The following ATP8A2 variants were observed in gnomAD, a reference collection of about 807,000 sequenced individuals.
The protein encoded by ATP8A2 is phospholipid-transporting ATPase IB.
A neutral mutation model predicts 165.6 loss-of-function variants in ATP8A2; 100 were observed. The observed-to-expected ratio is 0.60, with a 90% confidence interval of 0.51 to 0.71. The LOEUF (loss-of-function observed/expected upper bound fraction) is 0.71. Ranked by LOEUF, ATP8A2 falls within the 30% of genes least tolerant of loss-of-function variation. The pLI, the probability that ATP8A2 is intolerant of heterozygous loss-of-function variation, is 0.00. For missense variants in ATP8A2, 1,227 were observed against 1,479.5 expected (o/e 0.83, Z 2.80); for synonymous variants, 543 against 548.8 (o/e 0.99, Z 0.15).
At chr13:25,842,591 G>A (rs1444748772) in intron 30 of ATP8A2, among the ~76,000 whole-genome samples, 1 of 151,994 alleles carries the variant, frequency 6.6e-6, no homozygotes, top group Middle Eastern at 3.2e-3. Flanking sequence ...AGAATCGCTT[G>A]AACCCGGGAG....
intron 35 of ATP8A2, among the ~76,000 whole-genome samples, chr13:25,970,890 G>T (rs1206692180): frequency 6.6e-6 from 1 of 152,282 alleles, no homozygotes; most frequent in South Asian, 2.1e-4. Context: ...ATTTTTAAAT[G>T]TTCAAATGGA....
chr13:25,460,878 C>G (rs905635400), intron 1 of ATP8A2, among the ~76,000 whole-genome samples: 1 of 152,146 alleles, frequency 6.6e-6, no homozygotes, highest in Admixed American at 6.5e-5. Flanking sequence ...TCTTTGGCCC[C>G]CATTGAGACT....
chr13:25,408,026 C>G (rs1323078707), intron 1 of ATP8A2, among the ~76,000 whole-genome samples: 1 of 151,986 alleles, frequency 6.6e-6, no homozygotes, highest in Non-Finnish European at 1.5e-5. Flanking sequence ...ACATGTATAC[C>G]TATGTAACAA....
chr13:25,588,185 AATT>A (rs1439173890), intron 23 of ATP8A2, among the ~76,000 whole-genome samples: 2 of 152,148 alleles, frequency 1.3e-5, no homozygotes, highest in East Asian at 3.8e-4. Flanking sequence ...TGCGCTTTAA[AATT>A]TGATCTTGGA....
At chr13:25,423,761 A>G (rs963572196) in intron 1 of ATP8A2, among the ~76,000 whole-genome samples, 2 of 152,220 alleles carry the variant, frequency 1.3e-5, no homozygotes, top group Non-Finnish European at 2.9e-5. Context: ...GATGTTTGGC[A>G]TAGATCTTTC....
At chr13:25,574,950 T>TC in intron 19 of ATP8A2, 93 bp downstream of exon 19, 1 of 656,298 alleles carries the variant, frequency 1.5e-6, no homozygotes, top group Non-Finnish European at 2.6e-6. Flanking sequence ...TATGATTCAA[T>TC]ATATTACTTA....
At chr13:25,653,204 T>C (rs941487441) in intron 24 of ATP8A2, among the ~76,000 whole-genome samples, 4 of 152,204 alleles carry the variant, frequency 2.6e-5, no homozygotes, top group South Asian at 4.1e-4. Context: ...GCACCGTTTA[T>C]TGAATAGGGA....
rs147441787 is a variant in ATP8A2, at chr13:25,426,100, T to C, written c.77-42877T>C. Among the ~76,000 whole-genome samples, 885 of 152,034 alleles carry C rather than the reference T, an allele frequency of 5.8e-3. 4 individuals are homozygous for C. The highest frequency in any genetic ancestry group is 0.013 in the African/African-American group (543 of 41,470). On this transcript the variant is annotated intron_variant, in intron 1 of 36. Transcript: ENST00000381655. The stretch of plus-strand genomic sequence containing the variant: ...GTTGGGGGAGGGAGAGATGAATGAG[T>C]GGAGCATTGTGTTAGGCCATTCTGG...
chr13:25,709,536 CAG>C (rs1295433496), intron 25 of ATP8A2, among the ~76,000 whole-genome samples: 2 of 151,920 alleles, frequency 1.3e-5, no homozygotes, highest in Non-Finnish European at 2.9e-5. Flanking sequence ...TTTTCTGAAA[CAG>C]AATAACAATA....
At chr13:25,730,406 A>C (rs1358583094) in intron 25 of ATP8A2, among the ~76,000 whole-genome samples, 1 of 152,202 alleles carries the variant, frequency 6.6e-6, no homozygotes, top group Non-Finnish European at 1.5e-5. Flanking sequence ...ATGGCTTGGC[A>C]GTTTCAGCTA....
chr13:25,998,018 A>G (rs981147373), intron 35 of ATP8A2, among the ~76,000 whole-genome samples: 1 of 152,106 alleles, frequency 6.6e-6, no homozygotes, highest in Admixed American at 6.6e-5. Context: ...CATTTTGGCT[A>G]TTATGCTATG....
intron 19 of ATP8A2, among the ~76,000 whole-genome samples, chr13:25,575,278 G>A (rs1026425344): frequency 1.3e-5 from 2 of 152,190 alleles, no homozygotes; most frequent in African/African-American, 4.8e-5. Flanking sequence ...TGACAGATGA[G>A]ATCAGTTCAT....
Position 26,020,128 on chromosome 13 carries a change from A to C in ATP8A2, c.*143A>C, listed in dbSNP as rs1247793720. On this transcript the variant is annotated 3_prime_UTR_variant, in exon 37 of 37. Transcript: ENST00000381655. ...TGTGGCCTTAGCCAAGCAGTTTGTT[A>C]GTTACATATTCCCTCGCAAACCTGG... 2 of 654,672 alleles carry C rather than the reference A, an allele frequency of 3.1e-6. No homozygotes were observed. The highest frequency in any genetic ancestry group is 3.6e-5 in the African/African-American group (2 of 55,246). 40.6% of individuals were successfully genotyped at this position (654,672 alleles called of 1,614,324 possible). A position where few individuals can be genotyped will look rare whatever the true frequency, so the allele number is the denominator to read the frequency against.
intron 25 of ATP8A2, among the ~76,000 whole-genome samples, chr13:25,759,526 A>G (rs992916682): frequency 5.3e-5 from 8 of 152,102 alleles, no homozygotes; most frequent in Admixed American, 2.0e-4. Flanking sequence ...CAATACATGT[A>G]TGTTAACTTT....
intron 24 of ATP8A2, among the ~76,000 whole-genome samples, chr13:25,698,669 A>G (rs998474249): frequency 2.0e-5 from 3 of 152,180 alleles, no homozygotes; most frequent in African/African-American, 4.8e-5. Flanking sequence ...GATACTTTCT[A>G]TAACATGGGA....
At chr13:25,927,371 G>T (rs570557488) in intron 33 of ATP8A2, 2 of 347,630 alleles carry the variant, frequency 5.8e-6, no homozygotes, top group South Asian at 2.2e-5. Flanking sequence ...ACTTTTGGGG[G>T]CCCCCAAATG....
chr13:25,581,123 A>G (rs1036545978), intron 22 of ATP8A2, among the ~76,000 whole-genome samples: 4 of 152,194 alleles, frequency 2.6e-5, no homozygotes, highest in African/African-American at 9.6e-5. Context: ...CAAGAGTTGG[A>G]TCTTCCCACA....
At chr13:25,402,340 G>A (rs757047088) in intron 1 of ATP8A2, among the ~76,000 whole-genome samples, 15 of 152,140 alleles carry the variant, frequency 9.9e-5, no homozygotes, top group East Asian at 1.9e-4. Flanking sequence ...GGGTCAAGGC[G>A]GCTCTTGTAT....
intron 35 of ATP8A2, among the ~76,000 whole-genome samples, chr13:25,993,412 G>A (rs558235865): frequency 1.4e-4 from 21 of 152,140 alleles, no homozygotes; most frequent in Non-Finnish European, 2.4e-4. Context: ...CAATTAGGCA[G>A]GAGAAGGAAA....
Sources: gnomAD v4.1 joint callset for allele counts (sites outside exome capture counted in the v4.1 genomes callset) on GRCh38, gnomAD v4.1.1 for gene constraint, MANE v1.5 for transcripts, NCBI Gene and HGNC (gene_info 2026-07-23, HGNC 2026-07-21) for gene names.